The following GFRA2 variants were observed in gnomAD, a reference collection of about 807,000 sequenced individuals.
GFRA2 encodes the protein GDNF family receptor alpha-2.
A neutral mutation model predicts 48.3 loss-of-function variants in GFRA2; 17 were observed. The ratio of observed to expected loss-of-function variants is 0.35; its 90% CI spans 0.24 to 0.53. GFRA2 has a LOEUF of 0.53. Among genes scored for constraint, GFRA2 ranks in the 20% least tolerant of loss-of-function variants. The pLI is 0.93. For synonymous variants in GFRA2, 305 were observed against 257.2 expected (o/e 1.19, Z -1.78); for missense variants, 660 against 637.3 (o/e 1.04, Z -0.38).
At chr8:21,694,042 GATATAT>G (rs139986722) in intron 8 of GFRA2, among the ~76,000 whole-genome samples, 1 of 118,388 alleles carries the variant, frequency 8.4e-6, no homozygotes, top group Non-Finnish European at 1.8e-5. Context: ...ATATATATGA[GATATAT>G]ATATATTTAT....
chr8:21,705,269 G>A lies in GFRA2; in HGVS notation c.905-144C>T, dbSNP rs369018442. 74 of 748,702 alleles carry A rather than the reference G, an allele frequency of 9.9e-5. No homozygotes were observed. The East Asian group carries it at 1.0e-3, about 10-fold the overall frequency. 46.4% of individuals were successfully genotyped at this position (748,702 alleles called of 1,614,324 possible). On this transcript the variant is annotated intron_variant, in intron 5 of 8. Transcript: ENST00000524240. ...CCCAAAACACACATCCATCCCAATC[G>A]CACTCCTAACTCTGAGCATGACTAT...
Position 21,749,838 on chromosome 8 carries a change from C to G in GFRA2, c.794+750G>C, listed in dbSNP as rs368285809. 5.9e-5 allele frequency among the ~76,000 whole-genome samples: 9 copies of G among 151,900 alleles called. No individual in the cohort carries two copies. The East Asian group carries it at 1.8e-3, about 30-fold the overall frequency. On this transcript the variant is annotated intron_variant, in intron 4 of 8. Coordinates refer to ENST00000524240, the MANE Select transcript of GFRA2 (RefSeq NM_001495.5). Reference sequence around the variant, plus strand: ...GAGCAAGTTTACAAAATTTTCCTGACCTTCCATCCCTTCACCTATAAAATA... The same window carrying G: ...GAGCAAGTTTACAAAATTTTCCTGAGCTTCCATCCCTTCACCTATAAAATA...
At chr8:21,715,218 T>C (rs925979120) in intron 4 of GFRA2, among the ~76,000 whole-genome samples, 7 of 152,220 alleles carry the variant, frequency 4.6e-5, no homozygotes, top group Admixed American at 1.3e-4. Context: ...GTACAGTGGA[T>C]ACTTACTATT....
chr8:21,728,265 GTTTTTTTTTTTT>G (rs34490346), intron 4 of GFRA2, among the ~76,000 whole-genome samples: 3 of 65,310 alleles, frequency 4.6e-5, no homozygotes, highest in South Asian at 8.0e-4. Flanking sequence ...CGGGAACCAG[GTTTTTTTTTTTT>G]TTTTTTTTTT....
intron 7 of GFRA2, among the ~76,000 whole-genome samples, chr8:21,699,028 C>T (rs996683656): frequency 2.6e-5 from 4 of 152,212 alleles, no homozygotes; most frequent in East Asian, 1.9e-4. Context: ...CAGTCCCGCA[C>T]GCAGCAGGTG....
At chr8:21,787,864 GCA>G (rs1431246603) in intron 1 of GFRA2, among the ~76,000 whole-genome samples, 34 of 152,160 alleles carry the variant, frequency 2.2e-4, no homozygotes, top group Admixed American at 1.8e-3. Context: ...GTGTGTGCGT[GCA>G]CAGTGTCTGC....
At chr8:21,700,558 T>C (rs963010266) in intron 7 of GFRA2, among the ~76,000 whole-genome samples, 2 of 152,156 alleles carry the variant, frequency 1.3e-5, no homozygotes, top group Admixed American at 6.5e-5. Context: ...GCAGGGTTGC[T>C]GGCCCTTCTC....
chr8:21,757,794 A>C (rs1805650997), intron 3 of GFRA2, among the ~76,000 whole-genome samples: 1 of 152,180 alleles, frequency 6.6e-6, no homozygotes, highest in Non-Finnish European at 1.5e-5. Flanking sequence ...GAGCCACCAC[A>C]CTGGACCTAA....
intron 4 of GFRA2, among the ~76,000 whole-genome samples, chr8:21,747,411 C>T (rs1168311142): frequency 6.6e-6 from 1 of 152,160 alleles, no homozygotes; most frequent in African/African-American, 2.4e-5. Context: ...TTGTGGTATG[C>T]ATAGTTTCAT....
At chr8:21,748,721 TA>T (rs938972280) in intron 4 of GFRA2, among the ~76,000 whole-genome samples, 1 of 152,160 alleles carries the variant, frequency 6.6e-6, no homozygotes, top group Non-Finnish European at 1.5e-5. Flanking sequence ...TCGCAAGGAT[TA>T]AATGAGACAG....
At chr8:21,809,385 C>T (rs1407346472) in intron 1 of GFRA2, among the ~76,000 whole-genome samples, 2 of 152,168 alleles carry the variant, frequency 1.3e-5, no homozygotes, top group Non-Finnish European at 1.5e-5. Flanking sequence ...AGTGCAGTGG[C>T]GCGATCTCAG....
chr8:21,741,915 C>A (rs1585282262), intron 4 of GFRA2, among the ~76,000 whole-genome samples: 3 of 129,616 alleles, frequency 2.3e-5, no homozygotes, highest in Admixed American at 7.6e-5. Context: ...AGCAAGACTC[C>A]ATCTCAAAAA....
upstream of GFRA2, chr8:21,790,059 G>GC: frequency 2.0e-6 from 2 of 984,884 alleles, no homozygotes; most frequent in Non-Finnish European, 2.4e-6. Context: ...CTGTCGGTGG[G>GC]CCGGGCTCAC....
intron 7 of GFRA2, among the ~76,000 whole-genome samples, chr8:21,701,133 G>C (rs778186880): frequency 6.6e-6 from 1 of 152,354 alleles, no homozygotes; most frequent in South Asian, 2.1e-4. Context: ...GGGGGCTCAC[G>C]CCTGTAATCC....
At chr8:21,791,219 G>C (rs1332476909), upstream of GFRA2, among the ~76,000 whole-genome samples, 5 of 152,314 alleles carry the variant, frequency 3.3e-5, no homozygotes, top group East Asian at 5.8e-4. Context: ...AAATGGGGCT[G>C]AGAAAGCAGC....
chr8:21,775,003 C>T lies in GFRA2; in HGVS notation c.408G>A (p.Ser136=), dbSNP rs1167298968. 21 of 1,605,582 alleles carry T rather than the reference C, an allele frequency of 1.3e-5. No homozygotes were observed. Among genetic ancestry groups the T allele is most frequent in the East Asian group, 2.2e-5 (1 of 44,810 alleles). The change falls in exon 3 of 9, where the codon TCG becomes TCA. Residue 136 remains serine (S), a synonymous_variant. Transcript: ENST00000524240. ...SPYEPVTSRL[S]DIFRLASIFS... is the part of the protein sequence containing the mutation. ...AGATTGAAGCAAGCCTGAAGATGTC[C>T]GAGAGGCGGGAGGTCACCGGCTCAT...
At chr8:21,774,184 C>A (rs1252486665) in intron 3 of GFRA2, among the ~76,000 whole-genome samples, 1 of 147,084 alleles carries the variant, frequency 6.8e-6, no homozygotes, top group Non-Finnish European at 1.5e-5. Flanking sequence ...AAGACCAGAA[C>A]CCCCTCCCCA....
In GFRA2 at chr8:21,744,292, A is replaced by G. The variant is rs367942334; in HGVS notation, c.794+6296T>C. Among the ~76,000 whole-genome samples, 22 of 152,294 alleles carry G rather than the reference A, an allele frequency of 1.4e-4. 1 individual carries two copies. Among genetic ancestry groups the G allele is most frequent in the South Asian group, 1.0e-3 (5 of 4,822 alleles). ...CTGCTTCCCAACAAGCCTCTCTGAC[A>G]AGGGCAGTGTCCACTGCAGGAAAGG... On this transcript the variant is annotated intron_variant, in intron 4 of 8. Coordinates refer to ENST00000524240, the MANE Select transcript of GFRA2 (RefSeq NM_001495.5).
rs915004364 is a variant in GFRA2, at chr8:21,706,183, G to A, written c.795-142C>T. 30 of 640,348 alleles carry A rather than the reference G, an allele frequency of 4.7e-5. No individual in the cohort carries two copies. The Admixed American group carries it at 7.3e-4, about 16-fold the overall frequency. The allele number at this position is 640,348 out of a possible 1,614,324, so 39.7% of individuals were successfully genotyped here. ...AGGAAGAGGGAGGGGAGGAAAGTCG[G>A]GGGAACCAAGTCTTTGTGGGGGCTC... On this transcript the variant is annotated intron_variant, in intron 4 of 8. Transcript: ENST00000524240.
Sources: gnomAD v4.1 joint callset for allele counts (sites outside exome capture counted in the v4.1 genomes callset) on GRCh38, gnomAD v4.1.1 for gene constraint, MANE v1.5 for transcripts, NCBI Gene and HGNC (gene_info 2026-07-23, HGNC 2026-07-21) for gene names.